Variants in GPR137C observed in about 807,000 individuals in gnomAD.
GPR137C encodes integral membrane protein GPR137C.
A neutral mutation model predicts 43.4 loss-of-function variants in GPR137C; 27 were observed. That is an observed-to-expected ratio of 0.62 (90% confidence interval 0.46 to 0.86). GPR137C has a LOEUF of 0.86. Ranked by LOEUF, GPR137C falls within the 40% of genes least tolerant of loss-of-function variation. GPR137C has a pLI of 0.00. For missense variants in GPR137C, 522 were observed against 534.6 expected (o/e 0.98, Z 0.23); for synonymous variants, 285 against 226.9 (o/e 1.26, Z -2.30).
intron 1 of GPR137C, among the ~76,000 whole-genome samples, chr14:52,593,235 G>C (rs1195754152): frequency 6.6e-6 from 1 of 152,166 alleles, no homozygotes; most frequent in Non-Finnish European, 1.5e-5. Flanking sequence ...CAGTTTGCCA[G>C]TATTTTATTG....
intron 1 of GPR137C, among the ~76,000 whole-genome samples, chr14:52,586,444 C>T (rs2139496228): frequency 6.6e-6 from 1 of 152,326 alleles, no homozygotes; most frequent in Non-Finnish European, 1.5e-5. Flanking sequence ...ATACCAGTCA[C>T]TCAATTAAAT....
chr14:52,553,396 C>T lies in GPR137C; in HGVS notation c.249C>T (p.Ser83=), dbSNP rs1290243690. Reference sequence around the variant, plus strand: ...GCGAGCGGCGGCTGAGTTACCAGAGCCTCTGCCTCTTCCTCTGTCTCCTGT... The same window carrying T: ...GCGAGCGGCGGCTGAGTTACCAGAGTCTCTGCCTCTTCCTCTGTCTCCTGT... ...LYRERRLSYQ[S]LCLFLCLLWA... The change falls in exon 1 of 7, where the codon AGC becomes AGT. Residue 83 remains serine, a synonymous_variant. Coordinates refer to ENST00000321662, the MANE Select transcript of GPR137C (RefSeq NM_001099652.2). 4 of 1,607,634 alleles carry T rather than the reference C, an allele frequency of 2.5e-6. No individual in the cohort carries two copies. Among genetic ancestry groups the T allele is most frequent in the Non-Finnish European group, 3.4e-6 (4 of 1,179,718 alleles).
At chr14:52,602,330 T>C (rs1276735675) in intron 3 of GPR137C, among the ~76,000 whole-genome samples, 1 of 151,934 alleles carries the variant, frequency 6.6e-6, no homozygotes, top group Non-Finnish European at 1.5e-5. Flanking sequence ...TGTCCCTCTC[T>C]CTCTCTCTCC....
intron 1 of GPR137C, among the ~76,000 whole-genome samples, chr14:52,593,024 A>T (rs1464787474): frequency 6.6e-6 from 1 of 152,186 alleles, no homozygotes; most frequent in Non-Finnish European, 1.5e-5. Context: ...TAGTTTATTG[A>T]GAGTTTTTAG....
Position 52,561,966 on chromosome 14 carries a change from A to G in GPR137C, c.444+8375A>G, listed in dbSNP as rs75004655. 4.8e-3 allele frequency among the ~76,000 whole-genome samples: 726 copies of G among 152,294 alleles called. 15 individuals carry two copies. The highest frequency in any genetic ancestry group is 0.039 in the Admixed American group (596 of 15,284). The stretch of plus-strand genomic sequence containing the variant: ...CTTAAATGCATGCAGTGTATTGTAT[A>G]TAAATTATATTTCAATGAAGTTGAT... On this transcript the variant is annotated intron_variant, in intron 1 of 6. Transcript: ENST00000321662.
intron 1 of GPR137C, among the ~76,000 whole-genome samples, chr14:52,573,946 G>A (rs563867896): frequency 2.4e-4 from 36 of 152,214 alleles, no homozygotes; most frequent in Non-Finnish European, 4.6e-4. Flanking sequence ...AGACATTTAT[G>A]TGGCCACAAA....
At chr14:52,567,071 C>A (rs994984262) in intron 1 of GPR137C, among the ~76,000 whole-genome samples, 2 of 152,142 alleles carry the variant, frequency 1.3e-5, no homozygotes, top group Non-Finnish European at 1.5e-5. Context: ...CAAGATCACA[C>A]CACTGCACTC....
intron 1 of GPR137C, among the ~76,000 whole-genome samples, chr14:52,564,921 A>G (rs1321438506): frequency 6.6e-6 from 1 of 151,456 alleles, no homozygotes; most frequent in Non-Finnish European, 1.5e-5. Context: ...CCACTTATCT[A>G]CCTCCTCCCT....
At chr14:52,553,671 G>A in intron 1 of GPR137C, 80 bp downstream of exon 1, 1 of 859,212 alleles carries the variant, frequency 1.2e-6, no homozygotes, top group Non-Finnish European at 1.7e-6. Flanking sequence ...GGACCAGCGG[G>A]GGCGGGGGGT....
chr14:52,590,242 T>C (rs764998143), intron 1 of GPR137C, among the ~76,000 whole-genome samples: 5 of 150,446 alleles, frequency 3.3e-5, no homozygotes, highest in African/African-American at 9.7e-5. Flanking sequence ...AATGAAAACA[T>C]TTTACAATAG....
chr14:52,595,690 A>G (rs1157518393), intron 1 of GPR137C, among the ~76,000 whole-genome samples: 1 of 152,138 alleles, frequency 6.6e-6, no homozygotes, highest in Non-Finnish European at 1.5e-5. Flanking sequence ...GGTCTTCTCT[A>G]CACTGTTTAT....
At chr14:52,603,733 T>A (rs2038953226) in intron 3 of GPR137C, among the ~76,000 whole-genome samples, 1 of 152,008 alleles carries the variant, frequency 6.6e-6, no homozygotes, top group South Asian at 2.1e-4. Flanking sequence ...GAGACGGGGT[T>A]TCACCATGTT....
intron 1 of GPR137C, among the ~76,000 whole-genome samples, chr14:52,568,610 G>T (rs1037007397): frequency 6.6e-6 from 1 of 152,164 alleles, no homozygotes; most frequent in Non-Finnish European, 1.5e-5. Flanking sequence ...TTGGTGGGGG[G>T]AGGGGGCATC....
intron 1 of GPR137C, among the ~76,000 whole-genome samples, chr14:52,588,351 G>C (rs923935346): frequency 2.0e-5 from 3 of 151,960 alleles, no homozygotes; most frequent in Non-Finnish European, 4.4e-5. Context: ...CACCATGTTG[G>C]CCAGGCTGGT....
chr14:52,630,787 A>G (rs1476228439), intron 3 of GPR137C, among the ~76,000 whole-genome samples: 1 of 152,220 alleles, frequency 6.6e-6, no homozygotes, highest in Non-Finnish European at 1.5e-5. Flanking sequence ...TTTTTAACCT[A>G]CCTACACACA....
rs1271711500 is a variant in GPR137C, at chr14:52,635,056, A to C, written c.1231A>C (p.Thr411Pro). The C allele has an allele frequency of 2.5e-6, 4 of 1,606,662 alleles. No individual in the cohort carries two copies. The highest frequency in any genetic ancestry group is 3.4e-6 in the Non-Finnish European group (4 of 1,177,624). Reference protein sequence around the residue: ...PMTDTAPLLFTCSNLDLNNHH... With the variant: ...PMTDTAPLLFPCSNLDLNNHH... ...GACAGATACTGCTCCTTTGCTCTTT[A>C]CTTGTAGTAATTTAGATTTGAACAA... Residue 411 changes from threonine to proline, a missense_variant, in exon 7 of 7, where the codon ACT (threonine) becomes CCT (proline). Thr to Pro is a conservative substitution (Grantham distance 38, BLOSUM62 -1). This residue lies in a region of GPR137C where 67 missense variants were observed against 69.0 expected (regional missense o/e 0.97). Transcript: ENST00000321662.
At chr14:52,581,547 G>C (rs574815632) in intron 1 of GPR137C, among the ~76,000 whole-genome samples, 65 of 148,980 alleles carry the variant, frequency 4.4e-4, no homozygotes, top group African/African-American at 1.6e-3. Context: ...AAAAAAAAAA[G>C]AAAGAAAGTG....
At chr14:52,601,884 A>T (rs1462597700) in intron 3 of GPR137C, among the ~76,000 whole-genome samples, 2 of 151,958 alleles carry the variant, frequency 1.3e-5, no homozygotes, top group Non-Finnish European at 2.9e-5. Context: ...AAAAGTCACC[A>T]ATCTGAGAAG....
chr14:52,609,732 G>A (rs537359227), intron 3 of GPR137C, among the ~76,000 whole-genome samples: 43 of 152,306 alleles, frequency 2.8e-4, no homozygotes, highest in Admixed American at 4.6e-4. Flanking sequence ...GGAAGGTACC[G>A]GGGCTGGGTG....
Sources: allele counts gnomAD v4.1 joint callset (sites outside exome capture counted in the v4.1 genomes callset), GRCh38; gene constraint gnomAD v4.1.1; regional missense constraint gnomAD v4.1.1; transcripts MANE v1.5; gene names NCBI Gene and HGNC (gene_info 2026-07-23, HGNC 2026-07-21).